Variants in MYT1L observed in about 807,000 individuals in gnomAD.
MYT1L encodes myelin transcription factor 1-like protein.
In MYT1L, 12 loss-of-function variants were observed where a neutral mutation model predicts 126.7. That is an observed-to-expected ratio of 0.09 (90% CI 0.06 to 0.15). The LOEUF (loss-of-function observed/expected upper bound fraction) is 0.15, where lower values mean the gene tolerates loss of function less well. Among genes scored for constraint, MYT1L ranks in the 10% least tolerant of loss-of-function variants. MYT1L has a pLI of 1.00. For missense variants in MYT1L, 979 were observed against 1,585.2 expected (o/e 0.62, Z 6.49); for synonymous variants, 541 against 604.2 (o/e 0.90, Z 1.53).
At chr2:1,812,991 AG>A (rs761565386) in intron 21 of MYT1L, among the ~76,000 whole-genome samples, 12 of 152,046 alleles carry the variant, frequency 7.9e-5, no homozygotes, top group Non-Finnish European at 1.8e-4. Context: ...CTGTAGGACA[AG>A]GGTGACGCCT....
chr2:2,030,650 G>A (rs1481945747), intron 4 of MYT1L, among the ~76,000 whole-genome samples: 2 of 152,144 alleles, frequency 1.3e-5, no homozygotes, highest in African/African-American at 4.8e-5. Flanking sequence ...TAAGCTGAAT[G>A]TATATCCTTA....
In MYT1L at chr2:2,070,564, T is replaced by C. The variant is rs116339846; in HGVS notation, c.-303-16441A>G. ...GATTTGATGTTGACCCAATTCGCTTTACCCTGATGAGCAAGATGAACCAAC... is the reference window on the plus strand; with the variant it reads ...GATTTGATGTTGACCCAATTCGCTTCACCCTGATGAGCAAGATGAACCAAC... On this transcript the variant is annotated intron_variant, in intron 3 of 24. Transcript: ENST00000647738. Among the ~76,000 whole-genome samples, 471 of 152,366 alleles carry C rather than the reference T, an allele frequency of 3.1e-3. 4 individuals are homozygous for C. The highest frequency in any genetic ancestry group is 0.011 in the African/African-American group (459 of 41,594).
intron 2 of MYT1L, among the ~76,000 whole-genome samples, chr2:2,225,100 GT>G (rs1267012654): frequency 3.3e-5 from 5 of 151,314 alleles, no homozygotes; most frequent in Non-Finnish European, 5.9e-5. Flanking sequence ...TTTGGACACT[GT>G]TTAAAGGTTT....
intron 3 of MYT1L, among the ~76,000 whole-genome samples, chr2:2,113,531 G>A (rs2079772896): frequency 6.6e-6 from 1 of 152,112 alleles, no homozygotes; most frequent in South Asian, 2.1e-4. Context: ...TGTAAGGTGG[G>A]GCCCGCAGGC....
intron 14 of MYT1L, among the ~76,000 whole-genome samples, chr2:1,902,201 A>C (rs910634863): frequency 3.9e-5 from 6 of 152,210 alleles, no homozygotes; most frequent in African/African-American, 1.2e-4. Context: ...CTACTTACCA[A>C]CTAGCTTTGT....
rs763261790 is a variant in MYT1L at position 1,839,378 on chromosome 2, C to A, written c.2859-8G>T. ...CACCCGGGGACCGGACACCTGTAGGCAGGCAGAGGTGACACACTTTATTGT... is the reference window on the plus strand; with the variant it reads ...CACCCGGGGACCGGACACCTGTAGGAAGGCAGAGGTGACACACTTTATTGT... On this transcript the variant is annotated splice_region_variant and splice_polypyrimidine_tract_variant and intron_variant, in intron 20 of 24. Transcript: ENST00000647738. 1 of 1,609,220 alleles carries A rather than the reference C, an allele frequency of 6.2e-7. No individual in the cohort carries two copies. The highest frequency in any genetic ancestry group is 8.5e-7 in the Non-Finnish European group (1 of 1,176,834).
chr2:2,277,072 C>T (rs945610956), intron 2 of MYT1L, among the ~76,000 whole-genome samples: 16 of 152,086 alleles, frequency 1.1e-4, no homozygotes, highest in African/African-American at 3.6e-4. Flanking sequence ...ACCTCCACCT[C>T]CCTGGTTCAC....
chr2:2,294,476 A>G (rs764680632), intron 1 of MYT1L, among the ~76,000 whole-genome samples: 2 of 152,306 alleles, frequency 1.3e-5, no homozygotes, highest in South Asian at 4.2e-4. Flanking sequence ...CGCCTGATGC[A>G]GTTCATCTGA....
intron 4 of MYT1L, among the ~76,000 whole-genome samples, chr2:2,053,128 G>A (rs2069041336): frequency 6.6e-6 from 1 of 152,130 alleles, no homozygotes; most frequent in Non-Finnish European, 1.5e-5. Context: ...GGATGTTGAG[G>A]GCATTATGCT....
At chr2:2,097,088 C>G (rs915214829) in intron 3 of MYT1L, among the ~76,000 whole-genome samples, 1 of 152,170 alleles carries the variant, frequency 6.6e-6, no homozygotes, top group Non-Finnish European at 1.5e-5. Context: ...TCTCCCCCAG[C>G]CTCCCTCCCC....
chr2:2,142,218 G>A lies in MYT1L; in HGVS notation c.-304+30654C>T, dbSNP rs539486689. Among the ~76,000 whole-genome samples the A allele has an allele frequency of 1.1e-4, 16 of 152,152 alleles. No homozygotes were observed. The East Asian group carries it at 1.9e-3, about 18-fold the overall frequency. On this transcript the variant is annotated intron_variant, in intron 3 of 24. Transcript: ENST00000647738. ...AGACTCAGCAAACATCTTGTGTTAC[G>A]AGTTGCAATCATCTACTCTCAAGGA...
intron 3 of MYT1L, among the ~76,000 whole-genome samples, chr2:2,057,263 G>A (rs1036094564): frequency 1.3e-5 from 2 of 151,950 alleles, no homozygotes; most frequent in African/African-American, 4.8e-5. Context: ...TCATCACCAA[G>A]TCCACCCTCT....
chr2:2,160,824 CA>C (rs772147813), intron 3 of MYT1L, among the ~76,000 whole-genome samples: 1 of 152,082 alleles, frequency 6.6e-6, no homozygotes, highest in Non-Finnish European at 1.5e-5. Flanking sequence ...AGACATAAAG[CA>C]GGGAGGAGAA....
At chr2:2,084,151 A>G (rs1472700848) in intron 3 of MYT1L, among the ~76,000 whole-genome samples, 1 of 151,330 alleles carries the variant, frequency 6.6e-6, no homozygotes, top group South Asian at 2.1e-4. Flanking sequence ...GAGGGCTACT[A>G]AGGAACGGAA....
intron 3 of MYT1L, among the ~76,000 whole-genome samples, chr2:2,147,085 G>C (rs1185423633): frequency 6.6e-6 from 1 of 152,210 alleles, no homozygotes; most frequent in Non-Finnish European, 1.5e-5. Context: ...CAAAGCTGCA[G>C]CTGAACTCCA....
At chr2:2,083,529 T>C (rs900178314) in intron 3 of MYT1L, among the ~76,000 whole-genome samples, 1 of 152,220 alleles carries the variant, frequency 6.6e-6, no homozygotes, top group Non-Finnish European at 1.5e-5. Context: ...CAAAAGCCTA[T>C]CCACTGCCAC....
chr2:1,967,614 T>C (rs1212523464), intron 8 of MYT1L, among the ~76,000 whole-genome samples: 1 of 152,214 alleles, frequency 6.6e-6, no homozygotes, highest in African/African-American at 2.4e-5. Context: ...TCAAAGCAGG[T>C]GCACCTTATT....
At chr2:2,129,620 A>G (rs2082112070) in intron 3 of MYT1L, among the ~76,000 whole-genome samples, 1 of 152,054 alleles carries the variant, frequency 6.6e-6, no homozygotes, top group Admixed American at 6.5e-5. Context: ...GAATTAACTT[A>G]TTTAGGCCGG....
Position 1,839,252 on chromosome 2 carries a change from A to G in MYT1L, c.2977T>C (p.Ser993Pro). ...TTGACCGACTTCCAGGAGAACTGGG[A>G]GCCATTCAGGTACCCGTCTTTCTGC... ...KRQKDGYLNG[S>P]QFSWKSVKTE... Residue 993 changes from serine (S) to proline (P), a missense_variant, in exon 21 of 25, where the codon TCC becomes CCC. This residue lies in a region of MYT1L where 179 missense variants were observed against 398.6 expected (regional missense o/e 0.45). Coordinates refer to ENST00000647738, the MANE Select transcript of MYT1L (RefSeq NM_001303052.2). 6.2e-7 allele frequency: 1 copy of G among 1,613,750 alleles called. No individual in the cohort carries two copies. The highest frequency in any genetic ancestry group is 8.5e-7 in the Non-Finnish European group (1 of 1,179,884).
Sources: gnomAD v4.1 joint callset for allele counts (sites outside exome capture counted in the v4.1 genomes callset) on GRCh38, gnomAD v4.1.1 for gene constraint, gnomAD v4.1.1 regional missense constraint, MANE v1.5 for transcripts, NCBI Gene and HGNC (gene_info 2026-07-23, HGNC 2026-07-21) for gene names.